The following STK32B variants were observed in gnomAD, a reference collection of about 807,000 sequenced individuals.
STK32B encodes serine/threonine kinase 32B, also known as serine/threonine-protein kinase 32B.
Under a neutral mutation model 52.6 loss-of-function variants are expected in STK32B, and 43 were observed. The observed-to-expected ratio is 0.82, with a 90% confidence interval of 0.64 to 1.05. The LOEUF (loss-of-function observed/expected upper bound fraction) is 1.05, where lower values mean the gene tolerates loss of function less well. STK32B is among the 50% of genes least tolerant of loss of function. STK32B has a pLI of 0.00. For missense variants in STK32B, 621 were observed against 534.6 expected (o/e 1.16, Z -1.59); for synonymous variants, 238 against 204.3 (o/e 1.17, Z -1.41).
chr4:5,049,420 A>C (rs1741675129), upstream of STK32B, among the ~76,000 whole-genome samples: 2 of 151,898 alleles, frequency 1.3e-5, no homozygotes, highest in Admixed American at 1.3e-4. Context: ...CTTTTTAATC[A>C]CCTCAGTGCA....
In STK32B at chr4:5,139,673, A is replaced by G. The variant is rs1577096829; in HGVS notation, c.53-232A>G. Reference sequence around the variant, plus strand: ...GCAGCAAGACTGCAGAGCCTCATCAAGAAGTGTGGAGTGAAGGGAAGGCTT... The same window carrying G: ...GCAGCAAGACTGCAGAGCCTCATCAGGAAGTGTGGAGTGAAGGGAAGGCTT... On this transcript the variant is annotated intron_variant, in intron 1 of 11. Transcript: ENST00000282908. 1.3e-5 allele frequency: 7 copies of G among 539,472 alleles called. No homozygotes were observed. The East Asian group carries it at 2.1e-4, about 16-fold the overall frequency. The allele number at this position is 539,472 out of a possible 1,614,324, so 33.4% of individuals were successfully genotyped here.
intron 1 of STK32B, among the ~76,000 whole-genome samples, chr4:5,077,421 G>T (rs1712149142): frequency 1.3e-5 from 2 of 151,970 alleles, no homozygotes; most frequent in Admixed American, 6.6e-5. Context: ...TCCCCAACCA[G>T]CTGTGAGGGC....
At chr4:5,363,952 C>T (rs62297298) in intron 4 of STK32B, among the ~76,000 whole-genome samples, 7,314 of 152,156 alleles carry the variant, frequency 0.048, 470 homozygotes, top group Admixed American at 0.18. Flanking sequence ...TCTATCCCTA[C>T]TAAGTAGGTT....
At chr4:5,390,550 G>C (rs111318281) in intron 4 of STK32B, among the ~76,000 whole-genome samples, 155 of 152,214 alleles carry the variant, frequency 1.0e-3, no homozygotes, top group African/African-American at 3.3e-3. Flanking sequence ...CAGAGGGCTG[G>C]TGCTCTCCTG....
intron 4 of STK32B, among the ~76,000 whole-genome samples, chr4:5,393,055 C>G (rs549042009): frequency 1.2e-4 from 19 of 152,304 alleles, no homozygotes; most frequent in South Asian, 2.1e-4. Flanking sequence ...AATACAATGA[C>G]AGATTCTAAG....
At chr4:5,283,692 A>C (rs1418340848) in intron 3 of STK32B, among the ~76,000 whole-genome samples, 1 of 152,204 alleles carries the variant, frequency 6.6e-6, no homozygotes, top group East Asian at 1.9e-4. Context: ...TGATATATTC[A>C]ACGTGCTGAA....
chr4:5,041,058 C>G, the STK32B span, among the ~76,000 whole-genome samples: 1 of 152,118 alleles, frequency 6.6e-6, no homozygotes, highest in African/African-American at 2.4e-5. Context: ...TTTAGTAAGT[C>G]ATTGTTATCA....
intron 3 of STK32B, among the ~76,000 whole-genome samples, chr4:5,210,761 C>G (rs1722856964): frequency 6.6e-6 from 1 of 151,882 alleles, no homozygotes; most frequent in Admixed American, 6.6e-5. Context: ...TGTTTTCTAT[C>G]CAAATATTGG....
the STK32B span, among the ~76,000 whole-genome samples, chr4:5,020,037 C>T: frequency 6.6e-6 from 1 of 152,174 alleles, no homozygotes; most frequent in African/African-American, 2.4e-5. Context: ...CTCTCAGAAG[C>T]CGTGTGTGTC....
intron 2 of STK32B, among the ~76,000 whole-genome samples, chr4:5,144,685 A>G (rs553876686): frequency 3.0e-4 from 45 of 151,944 alleles, no homozygotes; most frequent in Non-Finnish European, 5.4e-4. Context: ...TTGTCTTTGT[A>G]TTTTCTCTAA....
intron 3 of STK32B, among the ~76,000 whole-genome samples, chr4:5,317,276 T>C (rs1464729667): frequency 2.2e-5 from 1 of 46,100 alleles, no homozygotes; most frequent in Non-Finnish European, 3.1e-5. Context: ...ATATAATATA[T>C]AACATATAAC....
intron 11 of STK32B, among the ~76,000 whole-genome samples, chr4:5,493,062 T>A (rs868844507): frequency 6.6e-6 from 1 of 151,232 alleles, no homozygotes; most frequent in East Asian, 1.9e-4. Flanking sequence ...TGTCTCTGCC[T>A]GGCTTTGGTA....
intron 3 of STK32B, among the ~76,000 whole-genome samples, chr4:5,298,859 A>G (rs544104866): frequency 1.3e-5 from 2 of 151,128 alleles, no homozygotes; most frequent in South Asian, 4.2e-4. Flanking sequence ...AAACTCCTGC[A>G]GCTAGCTCAG....
At chr4:5,473,370 T>A (rs555655163) in intron 11 of STK32B, among the ~76,000 whole-genome samples, 2 of 152,218 alleles carry the variant, frequency 1.3e-5, no homozygotes, top group Non-Finnish European at 2.9e-5. Flanking sequence ...CAATGGGCAG[T>A]GGCAGGCGTG....
chr4:5,269,901 T>A (rs997265516), intron 3 of STK32B, among the ~76,000 whole-genome samples: 2 of 138,180 alleles, frequency 1.4e-5, no homozygotes, highest in Non-Finnish European at 3.0e-5. Flanking sequence ...AATTCAACAA[T>A]AATAAAAGAA....
At chr4:5,203,601 G>C (rs1288888289) in intron 3 of STK32B, among the ~76,000 whole-genome samples, 1 of 152,150 alleles carries the variant, frequency 6.6e-6, no homozygotes, top group African/African-American at 2.4e-5. Flanking sequence ...AAGAGGACAT[G>C]TTCCTTTTAC....
intron 1 of STK32B, among the ~76,000 whole-genome samples, chr4:5,084,589 T>G (rs984655727): frequency 6.6e-6 from 1 of 152,204 alleles, no homozygotes; most frequent in Non-Finnish European, 1.5e-5. Context: ...TAACAGAAAC[T>G]GGCTCTGAAT....
chr4:5,035,608 C>T, the STK32B span, among the ~76,000 whole-genome samples: 1,611 of 152,248 alleles, frequency 0.011, 31 homozygotes, highest in African/African-American at 0.035. Context: ...AGGATGGAGT[C>T]GCTTCCAGAT....
At chr4:5,365,736 T>C (rs2109004661) in intron 4 of STK32B, among the ~76,000 whole-genome samples, 1 of 152,308 alleles carries the variant, frequency 6.6e-6, no homozygotes, top group Middle Eastern at 3.4e-3. Flanking sequence ...AAAAGTTAAC[T>C]TGGGAGCTTG....
Sources: gnomAD v4.1 joint callset for allele counts (sites outside exome capture counted in the v4.1 genomes callset) on GRCh38, gnomAD v4.1.1 for gene constraint, MANE v1.5 for transcripts, NCBI Gene and HGNC (gene_info 2026-07-23, HGNC 2026-07-21) for gene names.